NRROS: variants seen among roughly 807,000 people sequenced by gnomAD.
NRROS encodes transforming growth factor beta activator LRRC33.
In NRROS, 6 loss-of-function variants were observed where a neutral mutation model predicts 12.0. That is an observed-to-expected ratio of 0.50 (90% CI 0.27 to 0.98). The LOEUF is 0.98. Among genes scored for constraint, NRROS ranks in the 50% least tolerant of loss-of-function variants. NRROS has a pLI of 0.11. For missense variants in NRROS, 857 were observed against 888.2 expected, an observed-to-expected ratio of 0.96 and a Z score of 0.45; for synonymous variants, 462 against 410.2, an observed-to-expected ratio of 1.13 and a Z score of -1.53.
intron 1 of NRROS, among the ~76,000 whole-genome samples, chr3:196,642,738 T>C (rs1012229995): frequency 2.0e-5 from 3 of 152,092 alleles, no homozygotes; most frequent in Non-Finnish European, 2.9e-5. Flanking sequence ...CGCGTAAGGG[T>C]ACTTAACACT....
chr3:196,656,562 T>C (rs759569407), intron 2 of NRROS, among the ~76,000 whole-genome samples: 3 of 152,250 alleles, frequency 2.0e-5, no homozygotes, highest in Non-Finnish European at 4.4e-5. Context: ...CAGTGCCTGG[T>C]AGGTAGTCAG....
At chr3:196,655,262 C>T (rs1046277775) in intron 2 of NRROS, among the ~76,000 whole-genome samples, 2 of 147,710 alleles carry the variant, frequency 1.4e-5, no homozygotes, top group Non-Finnish European at 3.0e-5. Context: ...AAGCCAGGCG[C>T]GGTGGCTCAC....
chr3:196,659,440 T>C (rs990340127), intron 2 of NRROS, among the ~76,000 whole-genome samples: 10 of 151,780 alleles, frequency 6.6e-5, no homozygotes, highest in African/African-American at 2.4e-4. Context: ...CCGGAGTAGC[T>C]GGGATTACAG....
At position 196,654,635 on chromosome 3, in the gene NRROS, A is replaced by T; in HGVS notation, c.96A>T (p.Gly32=). The change falls in exon 2 of 3, where the codon GGA becomes GGT. Residue 32 remains glycine, a synonymous_variant. Coordinates refer to ENST00000328557, the MANE Select transcript of NRROS (RefSeq NM_198565.3). The surrounding 1 kb of genome is among the most constrained non-coding windows in gnomAD (Gnocchi z 4.4). ...RSGTATAASQ[G]VCKLVGGAAD... is the part of the protein sequence containing the mutation. Reference sequence around the variant, plus strand: ...GAACAGCCACAGCAGCCTCCCAAGGAGTCTGCAAGTTGGTGAGTTTCCCTT... The same window carrying T: ...GAACAGCCACAGCAGCCTCCCAAGGTGTCTGCAAGTTGGTGAGTTTCCCTT... The T allele has an allele frequency of 6.2e-7, 1 of 1,610,506 alleles. No individual in the cohort carries two copies. Among genetic ancestry groups the T allele is most frequent in the South Asian group, 1.1e-5 (1 of 91,004 alleles).
Position 196,661,817 on chromosome 3 carries a change from G to T in NRROS, c.*95G>T, listed in dbSNP as rs372180810. On this transcript the variant is annotated 3_prime_UTR_variant, in exon 3 of 3. Transcript: ENST00000328557. ...ATGTGATGCAGAGGCCAAGTCTGAC[G>T]AATTGAAGTTTCAATTAAAATTTAA... is the stretch of plus-strand genomic sequence containing the variant. 1 of 1,092,786 alleles carries T rather than the reference G, an allele frequency of 9.2e-7. No individual in the cohort carries two copies. The highest frequency in any genetic ancestry group is 1.3e-6 in the Non-Finnish European group (1 of 780,550). The allele number at this position is 1,092,786 out of a possible 1,614,324, so 67.7% of individuals were successfully genotyped here. A position where few individuals can be genotyped will look rare whatever the true frequency, so the allele number is the denominator to read the frequency against.
intron 1 of NRROS, 40 bp downstream of exon 1, chr3:196,639,915 C>CG (rs746909145): frequency 6.6e-6 from 1 of 152,384 alleles, no homozygotes; most frequent in South Asian, 2.1e-4. Context: ...GGGGCACAGC[C>CG]GGGGCCCTTC....
rs201798180 is a variant in NRROS, at chr3:196,660,332, T to A, written c.689T>A (p.Val230Asp). The A allele has an allele frequency of 5.6e-5, 90 of 1,613,740 alleles. No homozygotes were observed. The highest frequency in any genetic ancestry group is 7.0e-5 in the Non-Finnish European group (83 of 1,179,992). ...GACTTCGGGCTCACGCGGCTGCGGG[T>A]CCTCAACGTCAGCTACAACGTCCTG... ...IVDFGLTRLRVLNVSYNVLEW... is the reference protein window; with the variant it reads ...IVDFGLTRLRDLNVSYNVLEW... The change falls in exon 3 of 3, where the codon GTC becomes GAC. Residue 230 changes from valine to aspartate, a missense_variant. Transcript: ENST00000328557. The surrounding 1 kb of genome is among the most constrained non-coding windows in gnomAD (Gnocchi z 7.7).
rs1300538384 is a variant in NRROS at position 196,660,994 on chromosome 3, G to T, written c.1351G>T (p.Gly451Cys). 1 of 1,614,130 alleles carries T rather than the reference G, an allele frequency of 6.2e-7. No homozygotes were observed. The highest frequency in any genetic ancestry group is 2.2e-5 in the East Asian group (1 of 44,872). Residue 451 changes from glycine (G) to cysteine (C), a missense_variant, in exon 3 of 3, where the codon GGC becomes TGC. Transcript: ENST00000328557. The surrounding 1 kb of genome is among the most constrained non-coding windows in gnomAD (Gnocchi z 7.7). ...CPLPAASDRV[G>C]PPSCVDFRNM... is the part of the protein sequence containing the mutation. ...CCTGCCAGCTGCCTCGGACCGGGTGGGCCCCCCTAGCTGTGTGGATTTCAG... is the reference window on the plus strand; with the variant it reads ...CCTGCCAGCTGCCTCGGACCGGGTGTGCCCCCCTAGCTGTGTGGATTTCAG...
chr3:196,643,234 C>A (rs780769149), intron 1 of NRROS, among the ~76,000 whole-genome samples: 36 of 152,142 alleles, frequency 2.4e-4, no homozygotes, highest in Non-Finnish European at 4.9e-4. Context: ...GTAGGCGAAA[C>A]CAACCAATTT....
Position 196,661,946 on chromosome 3 carries a change from TTAAG to T in NRROS, c.*226_*229del. Reference sequence around the variant, plus strand: ...CCTCATTATCTTGGTAAAATATTTATTAAGTGACTTTTTCAGAAATAAAAGGCAA... The same window carrying T: ...CCTCATTATCTTGGTAAAATATTTATTGACTTTTTCAGAAATAAAAGGCAA... On this transcript the variant is annotated 3_prime_UTR_variant, in exon 3 of 3. Transcript: ENST00000328557. The T allele has an allele frequency of 2.5e-6, 1 of 401,986 alleles. No individual in the cohort carries two copies. The highest frequency in any genetic ancestry group is 4.4e-6 in the Non-Finnish European group (1 of 227,784). 24.9% of individuals were successfully genotyped at this position (401,986 alleles called of 1,614,324 possible). A position where few individuals can be genotyped will look rare whatever the true frequency, so the allele number is the denominator to read the frequency against.
chr3:196,657,235 T>C (rs1737554511), intron 2 of NRROS, among the ~76,000 whole-genome samples: 1 of 148,654 alleles, frequency 6.7e-6, no homozygotes, highest in Non-Finnish European at 1.5e-5. Context: ...AAAGTGGACA[T>C]GGTAAGCTTT....
intron 1 of NRROS, among the ~76,000 whole-genome samples, chr3:196,640,781 G>A (rs779682352): frequency 1.3e-5 from 2 of 150,504 alleles, no homozygotes; most frequent in Non-Finnish European, 2.9e-5. Context: ...AGGCCGGATC[G>A]GGGGTCCTAG....
intron 2 of NRROS, among the ~76,000 whole-genome samples, chr3:196,658,940 A>G (rs1195880006): frequency 6.6e-6 from 1 of 152,244 alleles, no homozygotes; most frequent in Non-Finnish European, 1.5e-5. Context: ...ATTGCACTCC[A>G]GCCTGGGTGA....
rs769025461 is a variant in NRROS, at chr3:196,654,585, A to C, written c.46A>C (p.Thr16Pro). The C allele has an allele frequency of 6.2e-7, 1 of 1,614,016 alleles. No homozygotes were observed. ...GCTCTGCCTGGGTTTTCACTTCCTG[A>C]CCGTGGGCTGGAGGAACAGAAGCGG... Reference protein sequence around the residue: ...LWLCLGFHFLTVGWRNRSGTA... With the variant: ...LWLCLGFHFLPVGWRNRSGTA... The change falls in exon 2 of 3, where the codon ACC (threonine) becomes CCC (proline). Residue 16 changes from threonine (T) to proline (P), a missense_variant. Transcript: ENST00000328557. This position sits in a 1 kb window ranked among gnomAD's most constrained non-coding sequence, Gnocchi z 4.4.
At position 196,660,333 on chromosome 3, in the gene NRROS, C is replaced by T. The variant is rs1269315093; in HGVS notation, c.690C>T (p.Val230=). 6.2e-7 allele frequency: 1 copy of T among 1,614,054 alleles called. No individual in the cohort carries two copies. Among genetic ancestry groups the T allele is most frequent in the Non-Finnish European group, 8.5e-7 (1 of 1,180,016 alleles). ...ACTTCGGGCTCACGCGGCTGCGGGT[C>T]CTCAACGTCAGCTACAACGTCCTGG... ...IVDFGLTRLR[V]LNVSYNVLEW... The change falls in exon 3 of 3, where the codon GTC becomes GTT. Residue 230 remains valine (V), a synonymous_variant. Transcript: ENST00000328557. The surrounding 1 kb of genome is among the most constrained non-coding windows in gnomAD (Gnocchi z 7.7).
chr3:196,661,270 C>T lies in NRROS; in HGVS notation c.1627C>T (p.Leu543=), dbSNP rs149737164. 1.2e-6 allele frequency: 2 copies of T among 1,613,798 alleles called. No homozygotes were observed. The highest frequency in any genetic ancestry group is 1.7e-6 in the Non-Finnish European group (2 of 1,179,904). ...SGFGNLRDLD[L]SGNCLTTFPR... ...GTTTGGGAATCTCAGGGACTTAGAT[C>T]TGTCGGGGAATTGCTTGACCACCTT... is the stretch of plus-strand genomic sequence containing the variant. The change falls in exon 3 of 3, where the codon CTG becomes TTG. Residue 543 remains leucine (L), a synonymous_variant. Coordinates refer to ENST00000328557, the MANE Select transcript of NRROS (RefSeq NM_198565.3).
At chr3:196,651,691 G>A (rs139084499) in intron 1 of NRROS, among the ~76,000 whole-genome samples, 191 of 152,218 alleles carry the variant, frequency 1.3e-3, no homozygotes, top group African/African-American at 4.3e-3. Context: ...TGTTGAACCC[G>A]GGAGGTGGAG....
Position 196,660,351 on chromosome 3 carries a change from C to T in NRROS, c.708C>T (p.Asn236=), listed in dbSNP as rs139757136. The T allele has an allele frequency of 2.4e-5, 38 of 1,613,970 alleles. No homozygotes were observed. The highest frequency in any genetic ancestry group is 1.3e-4 in the South Asian group (12 of 91,086). The change falls in exon 3 of 3, where the codon AAC becomes AAT. Residue 236 remains asparagine (N), a synonymous_variant. Coordinates refer to ENST00000328557, the MANE Select transcript of NRROS (RefSeq NM_198565.3). This position sits in a 1 kb window ranked among gnomAD's most constrained non-coding sequence, Gnocchi z 7.7. ...TRLRVLNVSY[N]VLEWFLATGG... ...TGCGGGTCCTCAACGTCAGCTACAA[C>T]GTCCTGGAGTGGTTCCTCGCGACCG... is the stretch of plus-strand genomic sequence containing the variant.
chr3:196,645,123 G>A (rs1053977615), intron 1 of NRROS, among the ~76,000 whole-genome samples: 3 of 152,176 alleles, frequency 2.0e-5, no homozygotes, highest in Admixed American at 2.0e-4. Flanking sequence ...CATAGGAAAT[G>A]TAGCTACCTA....
Sources: gnomAD v4.1 joint callset for allele counts (sites outside exome capture counted in the v4.1 genomes callset) on GRCh38, gnomAD v4.1.1 for gene constraint, Gnocchi (gnomAD v3.1) non-coding constraint, MANE v1.5 for transcripts, NCBI Gene and HGNC (gene_info 2026-07-23, HGNC 2026-07-21) for gene names.